Variants in FSTL4 observed in about 807,000 individuals in gnomAD.
FSTL4 encodes follistatin like 4.
In FSTL4, 28 loss-of-function variants were observed where a neutral mutation model predicts 78.2. The ratio of observed to expected loss-of-function variants is 0.36; its 90% CI spans 0.27 to 0.49. The LOEUF is 0.49. Ranked by LOEUF, FSTL4 falls within the 20% of genes least tolerant of loss-of-function variation. The pLI is 0.98. For synonymous variants in FSTL4, 422 were observed against 440.5 expected (o/e 0.96, Z 0.53); for missense variants, 922 against 1,084.9 (o/e 0.85, Z 2.11).
intron 7 of FSTL4, among the ~76,000 whole-genome samples, chr5:133,234,252 C>A (rs1751590092): frequency 6.6e-6 from 1 of 151,992 alleles, no homozygotes; most frequent in South Asian, 2.1e-4. Flanking sequence ...ATGGGGCAAA[C>A]AAAAAAACCA....
At chr5:133,203,507 T>C (rs1750393828) in intron 14 of FSTL4, among the ~76,000 whole-genome samples, 1 of 152,164 alleles carries the variant, frequency 6.6e-6, no homozygotes, top group Admixed American at 6.5e-5. Flanking sequence ...AGTGCTGGGC[T>C]GGAGTGATGC....
the FSTL4 span, among the ~76,000 whole-genome samples, chr5:133,713,339 A>T: frequency 6.6e-6 from 1 of 152,248 alleles, no homozygotes; most frequent in Non-Finnish European, 1.5e-5. Flanking sequence ...AGCAAATTGC[A>T]TGATCTGATA....
At chr5:133,655,698 T>C in the FSTL4 span, among the ~76,000 whole-genome samples, 1 of 152,024 alleles carries the variant, frequency 6.6e-6, no homozygotes, top group Admixed American at 6.5e-5. Flanking sequence ...GATAGTAATA[T>C]TTTCAGTGGG....
chr5:133,422,082 C>T (rs926111991), intron 3 of FSTL4, among the ~76,000 whole-genome samples: 2 of 151,850 alleles, frequency 1.3e-5, no homozygotes, highest in East Asian at 1.9e-4. Context: ...CCAAGTCCCT[C>T]GGGTGGGAGT....
At chr5:133,526,599 C>T (rs566836092) in intron 3 of FSTL4, among the ~76,000 whole-genome samples, 2 of 152,190 alleles carry the variant, frequency 1.3e-5, no homozygotes, top group Non-Finnish European at 2.9e-5. Context: ...ATTAGCTTAT[C>T]ACACACACTC....
rs1312860857 is a variant in FSTL4, at chr5:133,361,277, C to T, written c.409+39461G>A. On this transcript the variant is annotated intron_variant, in intron 4 of 15. Transcript: ENST00000265342. This position sits in a 1 kb window ranked among gnomAD's most constrained non-coding sequence, Gnocchi z 4.3. ...CTTGGTATTGTCTCTGGATGAAAAC[C>T]ATCCTGGGAGTGGGAGACCCTTACC... Among the ~76,000 whole-genome samples the T allele has an allele frequency of 6.6e-6, 1 of 152,210 alleles. No individual in the cohort carries two copies. The highest frequency in any genetic ancestry group is 6.5e-5 in the Admixed American group (1 of 15,274).
chr5:133,791,768 C>T, the FSTL4 span, among the ~76,000 whole-genome samples: 1 of 152,208 alleles, frequency 6.6e-6, no homozygotes, highest in Non-Finnish European at 1.5e-5. Context: ...AGGGCAGCTC[C>T]CCTCCTCCTC....
rs967745554 is a variant in FSTL4, at chr5:133,199,752, C to T, written c.1872G>A (p.Val624=). The change falls in exon 16 of 16, where the codon GTG becomes GTA. Residue 624 remains valine, a synonymous_variant. Coordinates refer to ENST00000265342, the MANE Select transcript of FSTL4 (RefSeq NM_015082.2). The surrounding 1 kb of genome is among the most constrained non-coding windows in gnomAD (Gnocchi z 4.4). The stretch of plus-strand genomic sequence containing the variant: ...TGAGGGGCATCATTGTTTCCAGGTC[C>T]ACCTTGTGGACTGCAGGATCAGACT... ...FNKSDPAVHK[V]DLETMMPLKT... is the part of the protein sequence containing the mutation. 6.3e-7 allele frequency: 1 copy of T among 1,589,090 alleles called. No homozygotes were observed.
the FSTL4 span, among the ~76,000 whole-genome samples, chr5:133,628,179 C>G: frequency 3.3e-5 from 5 of 152,104 alleles, no homozygotes; most frequent in Non-Finnish European, 4.4e-5. Flanking sequence ...CTAAAACTGA[C>G]ACCCTAACAT....
At chr5:133,769,788 G>T in the FSTL4 span, among the ~76,000 whole-genome samples, 1 of 152,034 alleles carries the variant, frequency 6.6e-6, no homozygotes, top group African/African-American at 2.4e-5. Context: ...TGGTCTTTTA[G>T]TGTACCCATC....
chr5:133,514,178 C>CAATAATAATAAT (rs779619451), intron 3 of FSTL4, among the ~76,000 whole-genome samples: 56 of 131,036 alleles, frequency 4.3e-4, no homozygotes, highest in Non-Finnish European at 6.0e-4. Flanking sequence ...GACTCCGTCT[C>CAATAATAATAAT]AATGATAATA....
chr5:133,451,991 AGAT>A (rs911153318), intron 3 of FSTL4, among the ~76,000 whole-genome samples: 23 of 152,176 alleles, frequency 1.5e-4, no homozygotes, highest in Admixed American at 1.3e-3. Context: ...CAGGCACTGT[AGAT>A]GCAGATACAA....
intron 3 of FSTL4, among the ~76,000 whole-genome samples, chr5:133,409,413 C>T (rs1475025440): frequency 6.6e-6 from 1 of 152,198 alleles, no homozygotes; most frequent in Non-Finnish European, 1.5e-5. Flanking sequence ...CACTGTGTGT[C>T]ATCTCCCCAT....
intron 1 of FSTL4, among the ~76,000 whole-genome samples, chr5:133,606,201 A>T (rs1580818512): frequency 1.3e-5 from 2 of 151,966 alleles, no homozygotes; most frequent in Non-Finnish European, 2.9e-5. Context: ...GCTCACTGCA[A>T]CCTCCGCCTC....
the FSTL4 span, among the ~76,000 whole-genome samples, chr5:133,824,148 T>C: frequency 2.0e-5 from 3 of 152,150 alleles, no homozygotes; most frequent in Non-Finnish European, 4.4e-5. Context: ...CAGCTGGGTG[T>C]CCTCTTCTTC....
At chr5:133,701,960 G>A in the FSTL4 span, among the ~76,000 whole-genome samples, 1 of 152,072 alleles carries the variant, frequency 6.6e-6, no homozygotes, top group East Asian at 1.9e-4. Context: ...TGGCGCCCAG[G>A]AAATCCTCAG....
chr5:133,279,020 C>T (rs1581588770), intron 6 of FSTL4, among the ~76,000 whole-genome samples: 1 of 152,238 alleles, frequency 6.6e-6, no homozygotes, highest in African/African-American at 2.4e-5. Flanking sequence ...CCCTGGCCAG[C>T]AGGCTTATAC....
At chr5:133,583,172 C>A in intron 2 of FSTL4, 1 of 441,380 alleles carries the variant, frequency 2.3e-6, no homozygotes. Context: ...CCAGCACATT[C>A]CCACTGGGTT....
intron 3 of FSTL4, among the ~76,000 whole-genome samples, chr5:133,446,551 T>C (rs1757269650): frequency 6.6e-6 from 1 of 152,170 alleles, no homozygotes. Context: ...CCCCCACTCC[T>C]CCAAGTGTTC....
Sources: allele counts gnomAD v4.1 joint callset (sites outside exome capture counted in the v4.1 genomes callset), GRCh38; gene constraint gnomAD v4.1.1; non-coding constraint Gnocchi (gnomAD v3.1); transcripts MANE v1.5; gene names NCBI Gene and HGNC (gene_info 2026-07-23, HGNC 2026-07-21).